The following CLCN3 variants were observed in gnomAD, a reference collection of about 807,000 sequenced individuals.
CLCN3 encodes the protein Cl-/H+ antiporter 3.
In CLCN3, 16 loss-of-function variants were observed where a neutral mutation model predicts 83.4. That is an observed-to-expected ratio of 0.19 (90% CI 0.13 to 0.29). The LOEUF is 0.29. CLCN3 is among the 10% of genes least tolerant of loss of function. The pLI, the probability that CLCN3 is intolerant of heterozygous loss-of-function variation, is 1.00. For synonymous variants in CLCN3, 322 were observed against 346.2 expected (o/e 0.93, Z 0.78); for missense variants, 544 against 1,006.0 (o/e 0.54, Z 6.21).
intron 1 of CLCN3, among the ~76,000 whole-genome samples, chr4:169,629,368 GAC>G (rs1773311360): frequency 6.6e-6 from 1 of 151,920 alleles, no homozygotes; most frequent in Non-Finnish European, 1.5e-5. Flanking sequence ...CATCTACTGT[GAC>G]ACATTTTTTT....
intron 3 of CLCN3, among the ~76,000 whole-genome samples, chr4:169,686,737 A>T (rs1295822347): frequency 6.6e-6 from 1 of 152,228 alleles, no homozygotes; most frequent in Non-Finnish European, 1.5e-5. Flanking sequence ...TTCTAAAGCA[A>T]CAGTCCTAGT....
intron 2 of CLCN3, chr4:169,663,156 T>C (rs563147457): frequency 9.3e-6 from 1 of 107,062 alleles, no homozygotes; most frequent in East Asian, 2.1e-4. Flanking sequence ...TGTGTATATA[T>C]ATGTGTGTGT....
chr4:169,679,926 G>A, intron 2 of CLCN3, 124 bp from the exon 3 acceptor site: 2 of 729,820 alleles, frequency 2.7e-6, no homozygotes, highest in Non-Finnish European at 4.8e-6. Flanking sequence ...AAAGCGGGAG[G>A]TGGAGACGAG....
At chr4:169,689,675 A>C (rs1431807274) in intron 5 of CLCN3, among the ~76,000 whole-genome samples, 1 of 152,212 alleles carries the variant, frequency 6.6e-6, no homozygotes, top group Admixed American at 6.5e-5. Flanking sequence ...TAAATGATTG[A>C]TTTACTATGA....
chr4:169,662,435 A>G (rs185469061), intron 2 of CLCN3, among the ~76,000 whole-genome samples: 15 of 152,316 alleles, frequency 9.8e-5, no homozygotes, highest in Admixed American at 8.5e-4. Flanking sequence ...TTTTTTGTCC[A>G]TAATTTATGA....
chr4:169,679,707 G>A (rs982690100), intron 2 of CLCN3, among the ~76,000 whole-genome samples: 4 of 152,154 alleles, frequency 2.6e-5, no homozygotes, highest in African/African-American at 9.7e-5. Flanking sequence ...CGGCCAACAC[G>A]GCAAAACCCC....
At chr4:169,717,786 T>C in intron 12 of CLCN3, 1 of 1,593,206 alleles carries the variant, frequency 6.3e-7, no homozygotes, top group Non-Finnish European at 8.6e-7. Flanking sequence ...TAATAATCTG[T>C]TTCAGGATTG....
intron 2 of CLCN3, among the ~76,000 whole-genome samples, chr4:169,665,629 A>G (rs1731216677): frequency 6.6e-6 from 1 of 151,708 alleles, no homozygotes; most frequent in Non-Finnish European, 1.5e-5. Flanking sequence ...CTGGGGCTAG[A>G]CTTCCTGCTC....
chr4:169,645,446 T>C (rs1385886234), intron 2 of CLCN3, among the ~76,000 whole-genome samples: 1 of 152,240 alleles, frequency 6.6e-6, no homozygotes, highest in Admixed American at 6.5e-5. Flanking sequence ...AATTTTTCTT[T>C]ATACTTTCAG....
At chr4:169,682,251 G>C (rs1731970641) in intron 3 of CLCN3, among the ~76,000 whole-genome samples, 1 of 152,052 alleles carries the variant, frequency 6.6e-6, no homozygotes, top group African/African-American at 2.4e-5. Flanking sequence ...AATCACATTT[G>C]TTAATTTTAC....
chr4:169,681,970 T>C (rs923201366), intron 3 of CLCN3, among the ~76,000 whole-genome samples: 11 of 152,210 alleles, frequency 7.2e-5, no homozygotes, highest in African/African-American at 2.4e-4. Flanking sequence ...TTGGAAAAGC[T>C]ATGAGTATTT....
intron 1 of CLCN3, among the ~76,000 whole-genome samples, chr4:169,632,986 G>T (rs901384231): frequency 5.9e-5 from 9 of 152,062 alleles, no homozygotes; most frequent in African/African-American, 2.2e-4. Flanking sequence ...CCTTATTACT[G>T]GAAGTTTTCA....
intron 2 of CLCN3, among the ~76,000 whole-genome samples, chr4:169,647,793 C>T (rs999703270): frequency 7.9e-5 from 12 of 152,234 alleles, no homozygotes; most frequent in Non-Finnish European, 1.8e-4. Flanking sequence ...AGCTCAATTC[C>T]TACCTCCCTT....
chr4:169,680,648 G>A (rs1417384834), intron 3 of CLCN3: 1 of 152,954 alleles, frequency 6.5e-6, no homozygotes, highest in Admixed American at 6.5e-5. Context: ...GGATTTTGCT[G>A]TTTTCTTTTA....
chr4:169,673,311 C>T (rs1479015182), intron 2 of CLCN3, among the ~76,000 whole-genome samples: 3 of 152,240 alleles, frequency 2.0e-5, no homozygotes, highest in East Asian at 1.9e-4. Flanking sequence ...GAGTAGTTTC[C>T]ACAGAGTAAT....
At chr4:169,625,199 A>G (rs1201632366) in intron 1 of CLCN3, among the ~76,000 whole-genome samples, 4 of 152,232 alleles carry the variant, frequency 2.6e-5, no homozygotes, top group Non-Finnish European at 5.9e-5. Flanking sequence ...CCTCTCTGCC[A>G]TCGTTGCTCT....
intron 2 of CLCN3, among the ~76,000 whole-genome samples, chr4:169,645,189 T>A (rs529802106): frequency 6.6e-6 from 1 of 152,320 alleles, no homozygotes; most frequent in East Asian, 1.9e-4. Flanking sequence ...CTCTCGACAA[T>A]TCTTGACCAC....
intron 11 of CLCN3, among the ~76,000 whole-genome samples, chr4:169,710,894 A>G (rs886781270): frequency 3.3e-5 from 5 of 152,254 alleles, no homozygotes; most frequent in East Asian, 3.9e-4. Context: ...GAGGTCTTCT[A>G]TGTTGCCCAG....
intron 2 of CLCN3, among the ~76,000 whole-genome samples, chr4:169,679,660 G>C (rs1267246489): frequency 6.6e-6 from 1 of 152,194 alleles, no homozygotes; most frequent in Non-Finnish European, 1.5e-5. Flanking sequence ...AGGCCGAGGC[G>C]GGCAGATCAC....
Sources: gnomAD v4.1 joint callset for allele counts (sites outside exome capture counted in the v4.1 genomes callset) on GRCh38, gnomAD v4.1.1 for gene constraint, MANE v1.5 for transcripts, NCBI Gene and HGNC (gene_info 2026-07-23, HGNC 2026-07-21) for gene names.